Variants in OSBP observed in about 807,000 individuals in gnomAD.
OSBP encodes the protein oxysterol binding protein, also known as oxysterol-binding protein 1.
A neutral mutation model predicts 96.6 loss-of-function variants in OSBP; 32 were observed. The ratio of observed to expected loss-of-function variants is 0.33; its 90% CI spans 0.25 to 0.45. The LOEUF (loss-of-function observed/expected upper bound fraction) is 0.45. Among genes scored for constraint, OSBP ranks in the 20% least tolerant of loss-of-function variants. The pLI, the probability that OSBP is intolerant of heterozygous loss-of-function variation, is 1.00. For missense variants in OSBP, 653 were observed against 1,029.7 expected, an observed-to-expected ratio of 0.63 and a Z score of 5.01; for synonymous variants, 369 against 389.6, an observed-to-expected ratio of 0.95 and a Z score of 0.62.
At position 59,575,158 on chromosome 11, in the gene OSBP, GGACAGAGCAGAATTAAATTGGAA is replaced by G. The variant is rs1318993118; in HGVS notation, c.*1396_*1418del. 6.6e-6 allele frequency: 1 copy of G among 152,130 alleles called. No homozygotes were observed. Among genetic ancestry groups the G allele is most frequent in the Non-Finnish European group, 1.5e-5 (1 of 68,042 alleles). The allele number at this position is 152,130 out of a possible 1,614,324, so 9.4% of individuals were successfully genotyped here. A position where few individuals can be genotyped will look rare whatever the true frequency, so the allele number is the denominator to read the frequency against. The stretch of plus-strand genomic sequence containing the variant: ...TCTTTTGGAATTCAGCCTATGCGCC[GGACAGAGCAGAATTAAATTGGAA>G]GTTGCCCTCCGGACTTTCTACCCAC... On this transcript the variant is annotated 3_prime_UTR_variant, in exon 14 of 14. Transcript: ENST00000263847.
chr11:59,610,047 G>A (rs560210055), intron 2 of OSBP, among the ~76,000 whole-genome samples: 1 of 152,232 alleles, frequency 6.6e-6, no homozygotes, highest in East Asian at 1.9e-4. Context: ...TTTCAACCTT[G>A]GCCAGATAAT....
At chr11:59,577,929 T>C (rs536568901) in intron 12 of OSBP, among the ~76,000 whole-genome samples, 10 of 152,332 alleles carry the variant, frequency 6.6e-5, no homozygotes, top group African/African-American at 2.4e-4. Context: ...AAGCACAAAG[T>C]ATTTTTTGTC....
At chr11:59,581,966 TAAAC>T (rs1157222557) in intron 9 of OSBP, among the ~76,000 whole-genome samples, 1 of 152,200 alleles carries the variant, frequency 6.6e-6, no homozygotes, top group African/African-American at 2.4e-5. Context: ...TGTGTGACCT[TAAAC>T]AAACCACTTA....
At chr11:59,605,112 T>A (rs2134673153) in intron 3 of OSBP, among the ~76,000 whole-genome samples, 1 of 144,928 alleles carries the variant, frequency 6.9e-6, no homozygotes, top group African/African-American at 2.5e-5. Context: ...GAGATCACAC[T>A]ATTGCACTCC....
chr11:59,584,289 A>G (rs796430097), intron 9 of OSBP, among the ~76,000 whole-genome samples: 1 of 152,108 alleles, frequency 6.6e-6, no homozygotes, highest in South Asian at 2.1e-4. Flanking sequence ...ATCTCATTCT[A>G]TGAGGCCAGC....
Position 59,615,700 on chromosome 11 carries a change from G to A in OSBP, c.-36C>T. 2 of 1,268,260 alleles carry A rather than the reference G, an allele frequency of 1.6e-6. No homozygotes were observed. Among genetic ancestry groups the A allele is most frequent in the Non-Finnish European group, 2.0e-6 (2 of 1,008,724 alleles). The allele number at this position is 1,268,260 out of a possible 1,614,324, so 78.6% of individuals were successfully genotyped here. On this transcript the variant is annotated 5_prime_UTR_variant, in exon 1 of 14. Coordinates refer to ENST00000263847, the MANE Select transcript of OSBP (RefSeq NM_002556.3). ...CGCCTGGAGATACAAGACCGGAACC[G>A]CCTACGAGAGCCGCCGTCGCCGCCC...
chr11:59,598,897 AC>A (rs1339485489), intron 7 of OSBP, among the ~76,000 whole-genome samples: 3 of 152,164 alleles, frequency 2.0e-5, no homozygotes, highest in Non-Finnish European at 4.4e-5. Flanking sequence ...GCCAGGATGC[AC>A]CCTTAAATGG....
rs140225300 is a variant in OSBP, at chr11:59,587,884, T to C, written c.1678+5720A>G. 2.0e-3 allele frequency among the ~76,000 whole-genome samples: 299 copies of C among 152,366 alleles called. 3 individuals are homozygous for C. Among genetic ancestry groups the C allele is most frequent in the African/African-American group, 6.5e-3 (272 of 41,588 alleles). Reference sequence around the variant, plus strand: ...TATTTGTTGTTTTTTAAACATTTTTTTTTCTTAAGACTTTAGGCAAAGAGA... The same window carrying C: ...TATTTGTTGTTTTTTAAACATTTTTCTTTCTTAAGACTTTAGGCAAAGAGA... On this transcript the variant is annotated intron_variant, in intron 9 of 13. Transcript: ENST00000263847.
At position 59,581,570 on chromosome 11, in the gene OSBP, G is replaced by A. The variant is rs1045743872; in HGVS notation, c.1679-16C>T. 10 of 1,525,474 alleles carry A rather than the reference G, an allele frequency of 6.6e-6. No individual in the cohort carries two copies. In the African/African-American group the frequency reaches 9.6e-5, roughly 15 times the overall value. The allele number at this position is 1,525,474 out of a possible 1,614,324, so 94.5% of individuals were successfully genotyped here. ...TGAATGGTACCTGGAAGCAGAAAGA[G>A]GTATCCAAATTAAGCCAAATGTCAG... is the stretch of plus-strand genomic sequence containing the variant. On this transcript the variant is annotated splice_polypyrimidine_tract_variant and intron_variant, in intron 9 of 13. Transcript: ENST00000263847.
At chr11:59,585,029 C>A (rs1025956063) in intron 9 of OSBP, among the ~76,000 whole-genome samples, 1 of 152,116 alleles carries the variant, frequency 6.6e-6, no homozygotes, top group Non-Finnish European at 1.5e-5. Context: ...CCCAAAATGC[C>A]GAGATTACAG....
intron 11 of OSBP, among the ~76,000 whole-genome samples, chr11:59,579,184 C>A (rs769561553): frequency 1.3e-5 from 2 of 152,124 alleles, no homozygotes; most frequent in African/African-American, 2.4e-5. Flanking sequence ...AAATCCCCAG[C>A]TATTCTTCAG....
chr11:59,604,441 C>T (rs930671834), intron 3 of OSBP, among the ~76,000 whole-genome samples: 3 of 152,056 alleles, frequency 2.0e-5, no homozygotes, highest in African/African-American at 4.8e-5. Flanking sequence ...GTGGCTTACA[C>T]CTTTAATCCC....
chr11:59,586,482 C>G (rs1860501569), intron 9 of OSBP, among the ~76,000 whole-genome samples: 1 of 152,114 alleles, frequency 6.6e-6, no homozygotes, highest in South Asian at 2.1e-4. Context: ...TCAATGCCAC[C>G]CAAAGCAATC....
chr11:59,593,836 A>T (rs757036929), intron 8 of OSBP, 112 bp from the exon 9 acceptor site: 18 of 1,458,052 alleles, frequency 1.2e-5, no homozygotes, highest in Non-Finnish European at 1.7e-5. Flanking sequence ...CACCCACAAC[A>T]GTAGGTGAAT....
intron 1 of OSBP, among the ~76,000 whole-genome samples, chr11:59,612,890 G>A (rs1232498344): frequency 1.3e-5 from 2 of 152,190 alleles, no homozygotes; most frequent in African/African-American, 4.8e-5. Flanking sequence ...AAGTAACTGG[G>A]TACGTAAGGA....
chr11:59,600,789 C>T (rs1349471857), intron 6 of OSBP, 30 bp downstream of exon 6: 2 of 1,598,396 alleles, frequency 1.3e-6, no homozygotes. Context: ...CCACGTCCCT[C>T]ACCTCTGAGA....
intron 9 of OSBP, among the ~76,000 whole-genome samples, chr11:59,589,510 A>G (rs1860550468): frequency 6.6e-6 from 1 of 151,680 alleles, no homozygotes; most frequent in Admixed American, 6.6e-5. Flanking sequence ...CTGAGGCAGG[A>G]GAATTGCATG....
At chr11:59,585,642 A>C (rs1224673545) in intron 9 of OSBP, among the ~76,000 whole-genome samples, 3 of 151,660 alleles carry the variant, frequency 2.0e-5, no homozygotes, top group Non-Finnish European at 4.4e-5. Flanking sequence ...CCCCTCTGCC[A>C]GGCCACCACC....
chr11:59,607,435 A>G (rs1860794111), intron 3 of OSBP, among the ~76,000 whole-genome samples: 1 of 152,204 alleles, frequency 6.6e-6, no homozygotes, highest in African/African-American at 2.4e-5. Context: ...AGTGTTAAAC[A>G]TATCAGAAAA....
Sources: gnomAD v4.1 joint callset for allele counts (sites outside exome capture counted in the v4.1 genomes callset) on GRCh38, gnomAD v4.1.1 for gene constraint, MANE v1.5 for transcripts, NCBI Gene and HGNC (gene_info 2026-07-23, HGNC 2026-07-21) for gene names.